The following DMD variants were observed in gnomAD, a reference collection of about 807,000 sequenced individuals.
DMD encodes mutant dystrophin.
In DMD, 63 loss-of-function variants were observed where a neutral mutation model predicts 330.1. The observed-to-expected ratio is 0.19, with a 90% CI of 0.16 to 0.24. DMD has a LOEUF of 0.24. Among genes scored for constraint, DMD ranks in the 10% least tolerant of loss-of-function variants. The pLI, the probability that DMD is intolerant of heterozygous loss-of-function variation, is 1.00. For missense variants in DMD, 3,344 were observed against 2,684.1 expected (o/e 1.25, Z -5.43); for synonymous variants, 1,223 against 959.8 (o/e 1.27, Z -5.07).
chrX:33,003,577 T>C (rs756274847), intron 2 of DMD, among the ~76,000 whole-genome samples: 1 of 110,418 alleles, frequency 9.1e-6, no homozygotes, highest in East Asian at 2.9e-4. Context: ...GCAGTGTATT[T>C]AATGATCTTT....
At chrX:31,357,212 T>C (rs1457532210) in intron 60 of DMD, among the ~76,000 whole-genome samples, 2 of 111,202 alleles carry the variant, frequency 1.8e-5, no homozygotes, top group Non-Finnish European at 3.8e-5. Flanking sequence ...TCTGAGGCCA[T>C]TGGAGCATTC....
chrX:32,237,746 C>A (rs1021302655), intron 43 of DMD, among the ~76,000 whole-genome samples: 26 of 111,589 alleles, frequency 2.3e-4, no homozygotes, highest in African/African-American at 8.1e-4. Flanking sequence ...ACATGGTGAA[C>A]GCTAAAGCTT....
At chrX:31,549,919 T>TA (rs200062527) in intron 55 of DMD, among the ~76,000 whole-genome samples, 4,082 of 112,545 alleles carry the variant, frequency 0.036, 174 homozygotes, top group African/African-American at 0.12. Context: ...AACTAAAAGT[T>TA]ACGGTATTTT....
chrX:31,407,660 T>A (rs1324174463), intron 60 of DMD, among the ~76,000 whole-genome samples: 2 of 99,804 alleles, frequency 2.0e-5, no homozygotes, highest in Admixed American at 2.2e-4. Flanking sequence ...TTTTTTTTTT[T>A]AAGTAGAGAT....
chrX:32,633,205 C>A (rs184237224), intron 11 of DMD, among the ~76,000 whole-genome samples: 1 of 111,745 alleles, frequency 8.9e-6, no homozygotes, highest in Non-Finnish European at 1.9e-5. Flanking sequence ...GGCCACACAA[C>A]GTCTTGAACA....
At chrX:32,019,847 G>A (rs1189588968) in intron 44 of DMD, among the ~76,000 whole-genome samples, 1 of 112,382 alleles carries the variant, frequency 8.9e-6, no homozygotes, top group African/African-American at 3.2e-5. Context: ...ATTTTAGTTT[G>A]TTAAATCTCA....
intron 9 of DMD, among the ~76,000 whole-genome samples, chrX:32,652,421 A>G (rs1330994911): frequency 1.8e-5 from 2 of 108,469 alleles, no homozygotes. Flanking sequence ...CTTGCTGAGA[A>G]TGATGGTCTC....
At chrX:31,419,916 A>T (rs2063273797) in intron 60 of DMD, among the ~76,000 whole-genome samples, 1 of 111,916 alleles carries the variant, frequency 8.9e-6, no homozygotes, top group Non-Finnish European at 1.9e-5. Flanking sequence ...ATGTATTATT[A>T]ATAGTTCTAC....
rs185203880 is a variant in DMD at position 32,561,277 on chromosome X, G to A, written c.1992+4425C>T. On this transcript the variant is annotated intron_variant, in intron 16 of 78. Coordinates refer to ENST00000357033, the MANE Select transcript of DMD (RefSeq NM_004006.3). ...AACCACGATAAAACGTAACAGGAGC[G>A]GATAACCAGAATAACCAGTTTACAG... Among the ~76,000 whole-genome samples, 13 of 110,862 alleles carry A rather than the reference G, an allele frequency of 1.2e-4. 2 individuals carry two copies. The highest frequency in any genetic ancestry group is 2.9e-4 in the East Asian group (1 of 3,489).
intron 60 of DMD, among the ~76,000 whole-genome samples, chrX:31,420,733 G>GA (rs2063324556): frequency 8.9e-6 from 1 of 112,282 alleles, no homozygotes; most frequent in Non-Finnish European, 1.9e-5. Flanking sequence ...AGTGCCCACA[G>GA]GAATGTGTTC....
chrX:32,870,977 A>G (rs1398900817), intron 2 of DMD, among the ~76,000 whole-genome samples: 14 of 82,438 alleles, frequency 1.7e-4, no homozygotes, highest in East Asian at 1.0e-3. Context: ...AAAAAAAAAA[A>G]AAAAAAAAAA....
chrX:31,939,470 AT>A (rs2094964003), intron 45 of DMD, among the ~76,000 whole-genome samples: 1 of 112,204 alleles, frequency 8.9e-6, no homozygotes, highest in Non-Finnish European at 1.9e-5. Flanking sequence ...GAATATCTGT[AT>A]GGAAAGTAAG....
intron 1 of DMD, among the ~76,000 whole-genome samples, chrX:33,170,588 A>C (rs2148698945): frequency 9.0e-6 from 1 of 111,661 alleles, no homozygotes; most frequent in African/African-American, 3.2e-5. Context: ...TACTTAACCA[A>C]ACAGATCCCA....
At chrX:31,819,659 T>C (rs1218201848) in intron 50 of DMD, among the ~76,000 whole-genome samples, 1 of 112,847 alleles carries the variant, frequency 8.9e-6, no homozygotes, top group Non-Finnish European at 1.9e-5. Context: ...GATGTAGGGC[T>C]CCTGCGAGAC....
chrX:31,147,415 G>T lies in DMD; in HGVS notation c.10657C>A (p.Pro3553Thr). 1 of 1,209,646 alleles carries T rather than the reference G, an allele frequency of 8.3e-7. No homozygotes were observed. The highest frequency in any genetic ancestry group is 1.1e-6 in the Non-Finnish European group (1 of 894,543). The change falls in exon 75 of 79, where the codon CCC becomes ACC. Residue 3553 changes from proline (P) to threonine (T), a missense_variant. Physicochemically the swap from Pro to Thr is conservative, Grantham distance 38. Transcript: ENST00000357033. ...TCAGCAATGAGCTCAGCATCCCGGG[G>T]ACTCTGGGGAGAGGTGGGCATCATT... ...PEMMPTSPQS[P>T]RDAELIAEAK...
At chrX:32,664,343 G>A (rs914029204) in intron 9 of DMD, among the ~76,000 whole-genome samples, 23 of 104,889 alleles carry the variant, frequency 2.2e-4, no homozygotes, top group South Asian at 9.1e-4. Flanking sequence ...CCGGGTTCAC[G>A]CCATTCTCCT....
intron 7 of DMD, among the ~76,000 whole-genome samples, chrX:32,709,323 A>G (rs1046142563): frequency 8.9e-6 from 1 of 112,332 alleles, no homozygotes; most frequent in African/African-American, 3.2e-5. Flanking sequence ...TAACACAAAT[A>G]TGATGATGAT....
chrX:33,269,765 A>C (rs1326968327), intron 1 of DMD, among the ~76,000 whole-genome samples: 2 of 110,782 alleles, frequency 1.8e-5, no homozygotes, highest in African/African-American at 3.3e-5. Flanking sequence ...AAGTTTATAC[A>C]ATCATCAAGA....
intron 61 of DMD, among the ~76,000 whole-genome samples, chrX:31,336,381 C>T (rs2148399053): frequency 8.9e-6 from 1 of 112,069 alleles, no homozygotes; most frequent in South Asian, 3.7e-4. Context: ...ACAGGACAGC[C>T]CCCAATAATT....
Sources: allele counts gnomAD v4.1 joint callset (sites outside exome capture counted in the v4.1 genomes callset), GRCh38; gene constraint gnomAD v4.1.1; transcripts MANE v1.5; gene names NCBI Gene and HGNC (gene_info 2026-07-23, HGNC 2026-07-21).